The following ACTN2 variants were observed in gnomAD, a reference collection of about 807,000 sequenced individuals.
ACTN2 encodes actinin alpha 2.
A neutral mutation model predicts 113.8 loss-of-function variants in ACTN2; 39 were observed. That is an observed-to-expected ratio of 0.34 (90% CI 0.27 to 0.45). The LOEUF is 0.45. ACTN2 is among the 20% of genes least tolerant of loss of function. The probability of loss-of-function intolerance (pLI) is 1.00; values close to 1 mark genes in which losing one functional copy is unlikely to be tolerated. For missense variants in ACTN2, 992 were observed against 1,177.9 expected (o/e 0.84, Z 2.31); for synonymous variants, 429 against 444.1 (o/e 0.97, Z 0.43).
chr1:236,735,712 G>A lies in ACTN2; in HGVS notation c.775G>A (p.Ala259Thr), dbSNP rs574401232. 4.3e-6 allele frequency: 7 copies of A among 1,614,102 alleles called. No individual in the cohort carries two copies. Among genetic ancestry groups the A allele is most frequent in the Middle Eastern group, 1.6e-4 (1 of 6,062 alleles). ...VSCFYHAFAG[A>T]EQAETAANRI... ...TTGCTTCTACCACGCTTTTGCGGGC[G>A]CGGAGCAGGTACTCAACACTTGTCC... Residue 259 changes from alanine to threonine, a missense_variant, in exon 8 of 21, where the codon GCG (alanine) becomes ACG (threonine). Physicochemically the swap from Ala to Thr is moderately conservative, Grantham distance 58. Coordinates refer to ENST00000366578, the MANE Select transcript of ACTN2 (RefSeq NM_001103.4).
intron 6 of ACTN2, among the ~76,000 whole-genome samples, 189 bp downstream of exon 6, chr1:236,727,945 T>G (rs1327024762): frequency 6.6e-6 from 1 of 152,156 alleles, no homozygotes; most frequent in Non-Finnish European, 1.5e-5. Flanking sequence ...GGAAAACACT[T>G]ACCTCTTAAA....
chr1:236,724,995 A>C (rs1658508479), intron 4 of ACTN2, among the ~76,000 whole-genome samples: 3 of 152,192 alleles, frequency 2.0e-5, no homozygotes, highest in African/African-American at 7.2e-5. Flanking sequence ...ATGAATTACA[A>C]ACCAGATGAA....
rs781454219 is a variant in ACTN2, at chr1:236,759,796, C to G, written c.2367+7C>G. The stretch of plus-strand genomic sequence containing the variant: ...TTCCATGGGTTATGACCTGGTAAGA[C>G]AGAAGTTGAAATTGTACTAAGATTT... On this transcript the variant is annotated splice_region_variant and intron_variant, in intron 19 of 20. Coordinates refer to ENST00000366578, the MANE Select transcript of ACTN2 (RefSeq NM_001103.4). 6.2e-7 allele frequency: 1 copy of G among 1,610,936 alleles called. No homozygotes were observed. The highest frequency in any genetic ancestry group is 8.5e-7 in the Non-Finnish European group (1 of 1,177,158).
Position 236,757,557 on chromosome 1 carries a change from C to T in ACTN2, c.2226C>T (p.Ile742=), listed in dbSNP as rs376982788. The change falls in exon 18 of 21, where the codon ATC becomes ATT. Residue 742 remains isoleucine, a synonymous_variant. Coordinates refer to ENST00000366578, the MANE Select transcript of ACTN2 (RefSeq NM_001103.4). ...CCATCAATGAGGTGGAGACTCAGAT[C>T]CTGACGAGAGATGCGAAGGGCATCA... is the stretch of plus-strand genomic sequence containing the variant. ...ARTINEVETQ[I]LTRDAKGITQ... 2 of 1,614,028 alleles carry T rather than the reference C, an allele frequency of 1.2e-6. No individual in the cohort carries two copies. Among genetic ancestry groups the T allele is most frequent in the Non-Finnish European group, 1.7e-6 (2 of 1,180,044 alleles).
intron 12 of ACTN2, among the ~76,000 whole-genome samples, chr1:236,746,191 A>G (rs1038025321): frequency 7.3e-5 from 11 of 151,594 alleles, no homozygotes; most frequent in African/African-American, 2.4e-4. Flanking sequence ...AAAGAAAGAA[A>G]AAAAAAAAGA....
Position 236,739,494 on chromosome 1 carries a change from C to T in ACTN2, c.1069C>T (p.Arg357Cys), listed in dbSNP as rs755807415. The T allele has an allele frequency of 2.5e-6, 4 of 1,614,176 alleles. No homozygotes were observed. The highest frequency in any genetic ancestry group is 8.5e-7 in the Non-Finnish European group (1 of 1,180,018). ...GCAGACCAAGCTGCGGATCAGCAACCGTCCTGCCTTCATGCCCTCCGAGGG... is the reference window on the plus strand; with the variant it reads ...GCAGACCAAGCTGCGGATCAGCAACTGTCCTGCCTTCATGCCCTCCGAGGG... ...TLQTKLRISN[R>C]PAFMPSEGKM... The change falls in exon 10 of 21, where the codon CGT (arginine) becomes TGT (cysteine). Residue 357 changes from arginine (R) to cysteine (C), a missense_variant. Physicochemically the swap from Arg to Cys is radical, Grantham distance 180 (BLOSUM62 -3). Coordinates refer to ENST00000366578, the MANE Select transcript of ACTN2 (RefSeq NM_001103.4).
intron 10 of ACTN2, among the ~76,000 whole-genome samples, chr1:236,739,752 G>T (rs977598005): frequency 5.9e-5 from 9 of 152,162 alleles, no homozygotes; most frequent in South Asian, 4.1e-4. Flanking sequence ...CCCACAAAGA[G>T]CAGACCTTTA....
At chr1:236,716,005 T>C (rs538085862) in intron 1 of ACTN2, among the ~76,000 whole-genome samples, 7 of 151,812 alleles carry the variant, frequency 4.6e-5, no homozygotes, top group Non-Finnish European at 5.9e-5. Flanking sequence ...GAGTATCTTT[T>C]CTGTTTAGAC....
chr1:236,744,520 C>A, intron 11 of ACTN2, 106 bp from the exon 12 acceptor site: 13 of 1,383,750 alleles, frequency 9.4e-6, no homozygotes, highest in African/African-American at 1.4e-5. Flanking sequence ...TCTCTGTCCC[C>A]TTCTCTTGGT....
At chr1:236,690,500 T>G (rs1271247067) in intron 1 of ACTN2, among the ~76,000 whole-genome samples, 2 of 152,232 alleles carry the variant, frequency 1.3e-5, no homozygotes, top group Non-Finnish European at 2.9e-5. Flanking sequence ...GTTTCAAGTC[T>G]CAATTTCTTC....
Position 236,740,250 on chromosome 1 carries a change from A to T in ACTN2, c.1107+718A>T, listed in dbSNP as rs543974179. Among the ~76,000 whole-genome samples, 5 of 151,980 alleles carry T rather than the reference A, an allele frequency of 3.3e-5. No individual in the cohort carries two copies. In the East Asian group the frequency reaches 9.8e-4, roughly 30 times the overall value. ...TGCCTCAGCCTCCTGAGTAGCTGGG[A>T]TTACAGGTGCCCGCCACCACGCCCG... On this transcript the variant is annotated intron_variant, in intron 10 of 20. Coordinates refer to ENST00000366578, the MANE Select transcript of ACTN2 (RefSeq NM_001103.4).
In ACTN2 at chr1:236,719,005, G is replaced by T; in HGVS notation, c.353G>T (p.Gly118Val). ...AAAGGGGTGAAACTGGTGTCCATTG[G>T]CGCTGAAGGTGAGAGGTGTGGTGGG... ...ASKGVKLVSI[G>V]AEEIVDGNVK... Residue 118 changes from glycine (G) to valine (V), a missense_variant, in exon 3 of 21, where the codon GGC becomes GTC. Physicochemically the swap from Gly to Val is moderately radical, Grantham distance 109 (BLOSUM62 -3). This residue lies in a region of ACTN2 where 220 missense variants were observed against 337.5 expected (regional missense o/e 0.65). Coordinates refer to ENST00000366578, the MANE Select transcript of ACTN2 (RefSeq NM_001103.4). The T allele has an allele frequency of 6.2e-7, 1 of 1,614,058 alleles. No individual in the cohort carries two copies. The highest frequency in any genetic ancestry group is 8.5e-7 in the Non-Finnish European group (1 of 1,179,996).
At position 236,737,350 on chromosome 1, in the gene ACTN2, T is replaced by C. The variant is rs1658920107; in HGVS notation, c.876+136T>C. 7.5e-6 allele frequency: 2 copies of C among 266,258 alleles called. 1 individual carries two copies. The highest frequency in any genetic ancestry group is 1.3e-4 in the East Asian group (2 of 15,446). 16.5% of individuals were successfully genotyped at this position (266,258 alleles called of 1,614,324 possible). On this transcript the variant is annotated intron_variant, in intron 9 of 20. Transcript: ENST00000366578. ...TTTTTCATCTCAGATAGGATGAAAG[T>C]AGGAAAATACACTTGATCTCTGAGG...
intron 1 of ACTN2, among the ~76,000 whole-genome samples, chr1:236,690,750 T>A (rs921771725): frequency 3.2e-4 from 49 of 152,168 alleles, no homozygotes; most frequent in African/African-American, 1.2e-3. Context: ...TTGAAAATTG[T>A]GGGGAAATAC....
chr1:236,734,601 C>A, intron 7 of ACTN2: 1 of 1,002,718 alleles, frequency 1.0e-6, no homozygotes, highest in Non-Finnish European at 1.4e-6. Flanking sequence ...TCTTTTTTCC[C>A]CCCTCTCCTC....
intron 7 of ACTN2, among the ~76,000 whole-genome samples, chr1:236,733,683 G>T (rs1223749871): frequency 1.3e-5 from 2 of 152,170 alleles, no homozygotes; most frequent in African/African-American, 4.8e-5. Flanking sequence ...CTGTATTCCT[G>T]TATTCCCATG....
At chr1:236,698,643 C>G (rs1657588281) in intron 1 of ACTN2, among the ~76,000 whole-genome samples, 1 of 152,022 alleles carries the variant, frequency 6.6e-6, no homozygotes, top group Non-Finnish European at 1.5e-5. Context: ...GAATTTGGAG[C>G]AGAGGATGTT....
At chr1:236,709,893 A>T (rs1657974340) in intron 1 of ACTN2, among the ~76,000 whole-genome samples, 1 of 152,170 alleles carries the variant, frequency 6.6e-6, no homozygotes, top group Non-Finnish European at 1.5e-5. Flanking sequence ...TATTTTATGT[A>T]ATTATTATTA....
intron 15 of ACTN2, among the ~76,000 whole-genome samples, chr1:236,752,680 T>A (rs562089308): frequency 4.4e-4 from 67 of 152,124 alleles, no homozygotes; most frequent in Middle Eastern, 3.4e-3. Flanking sequence ...GCCTCCCTAA[T>A]AGCTGGGATT....
Sources: gnomAD v4.1 joint callset for allele counts (sites outside exome capture counted in the v4.1 genomes callset) on GRCh38, gnomAD v4.1.1 for gene constraint, gnomAD v4.1.1 regional missense constraint, MANE v1.5 for transcripts, NCBI Gene and HGNC (gene_info 2026-07-23, HGNC 2026-07-21) for gene names.